The following FBXO17 variants were observed in gnomAD, a reference collection of about 807,000 sequenced individuals.
The protein encoded by FBXO17 is F-box only protein 17.
FBXO17 carries 43 observed loss-of-function variants against 34.1 expected under a neutral mutation model. That is an observed-to-expected ratio of 1.26 (90% confidence interval 0.99 to 1.62). FBXO17 has a LOEUF of 1.62. Among genes scored for constraint, FBXO17 ranks in the 40% most tolerant of loss-of-function variants. FBXO17 has a pLI of 0.00. For missense variants in FBXO17, 424 were observed against 386.7 expected (o/e 1.10, Z -0.81); for synonymous variants, 169 against 166.0 (o/e 1.02, Z -0.14).
At chr19:38,953,022 CCTGGCACG>C (rs1975109815) in intron 1 of FBXO17, among the ~76,000 whole-genome samples, 1 of 152,186 alleles carries the variant, frequency 6.6e-6, no homozygotes, top group South Asian at 2.1e-4. Context: ...ACATTCTTGA[CCTGGCACG>C]CTGGCTCATG....
intron 1 of FBXO17, among the ~76,000 whole-genome samples, chr19:38,954,936 TA>T (rs1975145271): frequency 7.9e-6 from 1 of 125,968 alleles, no homozygotes; most frequent in East Asian, 2.5e-4. Context: ...TTATTATTAT[TA>T]TTATTATTTT....
At chr19:38,953,630 C>T (rs1975119450) in intron 1 of FBXO17, among the ~76,000 whole-genome samples, 1 of 152,112 alleles carries the variant, frequency 6.6e-6, no homozygotes, top group Admixed American at 6.6e-5. Context: ...CACTGCACTC[C>T]AGCCTGGGCG....
chr19:38,955,186 C>T (rs965162858), intron 1 of FBXO17, among the ~76,000 whole-genome samples: 9 of 151,328 alleles, frequency 5.9e-5, no homozygotes, highest in Non-Finnish European at 8.8e-5. Flanking sequence ...CCGCCTTGGC[C>T]TCCCAAAGTG....
In FBXO17 at chr19:38,950,193, G is replaced by A. The variant is rs774733281; in HGVS notation, c.127C>T (p.Arg43Cys). The change falls in exon 2 of 6, where the codon CGC becomes TGC. Residue 43 changes from arginine (R) to cysteine (C), a missense_variant. By Grantham distance (180) the Arg-to-Cys change is radical. Transcript: ENST00000292852. ...VPPRSLVTRC[R>C]PVCRAWRDIV... ...TCGCGCCAGGCGCGGCACACTGGGCGGCATCGCGTGACCAAGGAGCGTGGC... is the reference window on the plus strand; with the variant it reads ...TCGCGCCAGGCGCGGCACACTGGGCAGCATCGCGTGACCAAGGAGCGTGGC... 4 of 1,555,452 alleles carry A rather than the reference G, an allele frequency of 2.6e-6. No individual in the cohort carries two copies. Among genetic ancestry groups the A allele is most frequent in the South Asian group, 2.3e-5 (2 of 85,178 alleles).
Position 38,950,104 on chromosome 19 carries a change from G to T in FBXO17, c.216C>A (p.Arg72=), listed in dbSNP as rs1416164178. 5.1e-6 allele frequency: 8 copies of T among 1,562,222 alleles called. No homozygotes were observed. Among genetic ancestry groups the T allele is most frequent in the Non-Finnish European group, 6.1e-6 (7 of 1,156,334 alleles). Residue 72 remains arginine (R), a synonymous_variant, in exon 2 of 6, where the codon CGC becomes CGA. Transcript: ENST00000292852. ...QLARDRSAEG[R]ALYAVAQRCL... ...AGCGTTGAGCCACTGCGTAGAGTGC[G>T]CGGCCCTCGGCGCTGCGGTCGCGGG...
At chr19:38,966,842 C>A (rs1478310612) in intron 1 of FBXO17, among the ~76,000 whole-genome samples, 1 of 152,108 alleles carries the variant, frequency 6.6e-6, no homozygotes, top group Non-Finnish European at 1.5e-5. Flanking sequence ...GGTGCTGGGA[C>A]AACTGGAAAT....
At position 38,944,960 on chromosome 19, in the gene FBXO17, T is replaced by G. The variant is rs368437922; in HGVS notation, c.693+9A>C. 10 of 1,614,068 alleles carry G rather than the reference T, an allele frequency of 6.2e-6. No individual in the cohort carries two copies. The Admixed American group carries it at 1.0e-4, about 16-fold the overall frequency. ...GGTCGGGGGGAGCTGGAAGCTAGTC[T>G]GGACCCACCTGTCGGCAGCCCCTCT... On this transcript the variant is annotated intron_variant, in intron 5 of 5. Coordinates refer to ENST00000292852, the MANE Select transcript of FBXO17 (RefSeq NM_024907.7).
rs1600209668 is a variant in FBXO17, at chr19:38,975,174, G to A, written c.-18+412C>T. On this transcript the variant is annotated intron_variant, in intron 1 of 5. Coordinates refer to ENST00000292852, the MANE Select transcript of FBXO17 (RefSeq NM_024907.7). This position sits in a 1 kb window ranked among gnomAD's most constrained non-coding sequence, Gnocchi z 4.9. ...CTTCTGATTCACAGATTCTGCGAAGGGACTGACGGCCAGAAGACAGAAAAT... is the reference window on the plus strand; with the variant it reads ...CTTCTGATTCACAGATTCTGCGAAGAGACTGACGGCCAGAAGACAGAAAAT... 6.6e-6 allele frequency among the ~76,000 whole-genome samples: 1 copy of A among 152,160 alleles called. No homozygotes were observed. The highest frequency in any genetic ancestry group is 1.9e-4 in the East Asian group (1 of 5,200).
intron 1 of FBXO17, among the ~76,000 whole-genome samples, chr19:38,969,054 A>G (rs1214463986): frequency 6.6e-6 from 1 of 152,202 alleles, no homozygotes; most frequent in East Asian, 1.9e-4. Flanking sequence ...ACACCTCAAA[A>G]AAGCTGATTA....
chr19:38,954,524 C>A (rs1975133748), intron 1 of FBXO17, among the ~76,000 whole-genome samples: 1 of 150,852 alleles, frequency 6.6e-6, no homozygotes. Context: ...CCTGCCTCAG[C>A]CTCCCAAAGT....
At chr19:38,945,523 T>C in intron 4 of FBXO17, 1 of 83,670 alleles carries the variant, frequency 1.2e-5, no homozygotes, top group Non-Finnish European at 2.0e-5. Flanking sequence ...TGGGTGGTCC[T>C]GGGGTGGAGC....
intron 1 of FBXO17, among the ~76,000 whole-genome samples, chr19:38,962,161 G>A (rs1326441791): frequency 6.9e-6 from 1 of 144,822 alleles, no homozygotes; most frequent in East Asian, 2.0e-4. Flanking sequence ...CCTGCCTCCT[G>A]CCTGGACAAG....
chr19:38,948,063 G>C (rs1464621054), intron 3 of FBXO17, among the ~76,000 whole-genome samples: 2 of 150,060 alleles, frequency 1.3e-5, no homozygotes, highest in Non-Finnish European at 3.0e-5. Context: ...CTGGAGTGCA[G>C]TGGTGCAATC....
At chr19:38,974,522 C>T (rs1358577983) in intron 1 of FBXO17, among the ~76,000 whole-genome samples, 1 of 151,712 alleles carries the variant, frequency 6.6e-6, no homozygotes, top group African/African-American at 2.4e-5. Context: ...ATAGAGAAGC[C>T]GAAAGTAATG....
intron 1 of FBXO17, among the ~76,000 whole-genome samples, chr19:38,966,290 ATT>A (rs1491119474): frequency 2.4e-4 from 11 of 46,580 alleles, no homozygotes; most frequent in East Asian, 1.1e-3. Flanking sequence ...TAAATTAAAA[ATT>A]TTGTGTGTGT....
intron 1 of FBXO17, among the ~76,000 whole-genome samples, chr19:38,964,788 A>G (rs577141987): frequency 6.6e-6 from 1 of 152,052 alleles, no homozygotes; most frequent in East Asian, 1.9e-4. Context: ...GAAAAGAAAA[A>G]AAAATTGCAT....
intron 1 of FBXO17, among the ~76,000 whole-genome samples, chr19:38,959,773 G>A (rs1007762052): frequency 6.6e-6 from 1 of 152,086 alleles, no homozygotes; most frequent in African/African-American, 2.4e-5. Flanking sequence ...GTGTACACTT[G>A]TAGTACCACA....
chr19:38,948,879 A>C (rs952344556), intron 2 of FBXO17, among the ~76,000 whole-genome samples: 19 of 151,898 alleles, frequency 1.3e-4, no homozygotes, highest in Admixed American at 1.2e-3. Context: ...GTGCCCATCC[A>C]CTCAGCTTCT....
intron 1 of FBXO17, among the ~76,000 whole-genome samples, chr19:38,962,649 G>C (rs193054443): frequency 6.6e-6 from 1 of 152,048 alleles, no homozygotes; most frequent in Non-Finnish European, 1.5e-5. Context: ...CATCTTTCTC[G>C]GGCTATCTTA....
Sources: allele counts gnomAD v4.1 joint callset (sites outside exome capture counted in the v4.1 genomes callset), GRCh38; gene constraint gnomAD v4.1.1; non-coding constraint Gnocchi (gnomAD v3.1); transcripts MANE v1.5; gene names NCBI Gene and HGNC (gene_info 2026-07-23, HGNC 2026-07-21).